The following DNER variants were observed in gnomAD, a reference collection of about 807,000 sequenced individuals.
The protein encoded by DNER is delta and Notch-like epidermal growth factor-related receptor.
Under a neutral mutation model 78.2 loss-of-function variants are expected in DNER, and 33 were observed. The observed-to-expected ratio is 0.42, with a 90% CI of 0.32 to 0.56. DNER has a LOEUF of 0.56. Ranked by LOEUF, DNER falls within the 20% of genes least tolerant of loss-of-function variation. The probability of loss-of-function intolerance (pLI) is 0.11; values close to 1 mark genes in which losing one functional copy is unlikely to be tolerated. For missense variants in DNER, 918 were observed against 975.3 expected (o/e 0.94, Z 0.78); for synonymous variants, 417 against 384.8 (o/e 1.08, Z -0.98).
chr2:229,592,747 G>C (rs1697631795), intron 1 of DNER, among the ~76,000 whole-genome samples: 1 of 152,212 alleles, frequency 6.6e-6, no homozygotes, highest in Non-Finnish European at 1.5e-5. Context: ...GTTCAGTCAT[G>C]TTCTCAGCAC....
chr2:229,373,724 G>A (rs537614344), intron 11 of DNER, among the ~76,000 whole-genome samples: 165 of 152,288 alleles, frequency 1.1e-3, no homozygotes, highest in Non-Finnish European at 2.0e-3. Context: ...TAAAGAAAAT[G>A]TGGTACATAT....
At chr2:229,387,783 T>C (rs1342071972) in intron 11 of DNER, among the ~76,000 whole-genome samples, 1 of 152,172 alleles carries the variant, frequency 6.6e-6, no homozygotes, top group African/African-American at 2.4e-5. Context: ...TTGTCTTCAC[T>C]GAACTTTTCT....
At chr2:229,460,628 T>G (rs1248498649) in intron 7 of DNER, among the ~76,000 whole-genome samples, 1 of 152,052 alleles carries the variant, frequency 6.6e-6, no homozygotes, top group African/African-American at 2.4e-5. Context: ...ACAAAAATTA[T>G]AGCCATCAAA....
Position 229,695,006 on chromosome 2 carries a change from CT to C in DNER, c.276+19141del, listed in dbSNP as rs574253667. On this transcript the variant is annotated intron_variant, in intron 1 of 12. Coordinates refer to ENST00000341772, the MANE Select transcript of DNER (RefSeq NM_139072.4). ...CCCATATGTTACGGGAGGGCCCCCC[CT>C]GCTGCTCTTTTCATGACAGTGAATG... Among the ~76,000 whole-genome samples, 210 of 152,286 alleles carry C rather than the reference CT, an allele frequency of 1.4e-3. 1 individual carries two copies. The highest frequency in any genetic ancestry group is 4.6e-3 in the African/African-American group (191 of 41,568).
intron 6 of DNER, among the ~76,000 whole-genome samples, chr2:229,489,692 C>G (rs1475976447): frequency 6.6e-6 from 1 of 151,050 alleles, no homozygotes; most frequent in Non-Finnish European, 1.5e-5. Flanking sequence ...CTACCCAAGG[C>G]AGAGGAGAGC....
In DNER at chr2:229,560,276, T is replaced by C. The variant is rs117002646; in HGVS notation, c.848-13184A>G. 2.5e-3 allele frequency among the ~76,000 whole-genome samples: 382 copies of C among 152,320 alleles called. 9 individuals carry two copies. In the East Asian group the frequency reaches 0.072, roughly 29 times the overall value. On this transcript the variant is annotated intron_variant, in intron 4 of 12. Coordinates refer to ENST00000341772, the MANE Select transcript of DNER (RefSeq NM_139072.4). ...TTTCCTGTTAAAGGGAAAGCATAAG[T>C]GGAAAATAGAAATTCTGACCATAAA...
chr2:229,433,635 C>T (rs183777259), intron 8 of DNER, among the ~76,000 whole-genome samples: 1 of 152,300 alleles, frequency 6.6e-6, no homozygotes, highest in Admixed American at 6.5e-5. Flanking sequence ...TCCCACATCT[C>T]TGATCTAGCT....
intron 1 of DNER, among the ~76,000 whole-genome samples, chr2:229,601,804 A>T (rs1019936403): frequency 6.6e-6 from 1 of 152,112 alleles, no homozygotes; most frequent in Non-Finnish European, 1.5e-5. Context: ...CTTTAGTCTG[A>T]TTAACACATA....
intron 6 of DNER, among the ~76,000 whole-genome samples, chr2:229,507,063 C>G (rs1695759751): frequency 6.6e-6 from 1 of 152,180 alleles, no homozygotes; most frequent in Admixed American, 6.5e-5. Flanking sequence ...GTACTGAATA[C>G]TGTAGGCAAC....
intron 5 of DNER, among the ~76,000 whole-genome samples, chr2:229,519,679 C>T (rs978372172): frequency 6.6e-6 from 1 of 152,202 alleles, no homozygotes; most frequent in Admixed American, 6.5e-5. Context: ...CCCCTCATTA[C>T]TGTGATGGCC....
chr2:229,570,123 G>T (rs140245376), intron 4 of DNER, among the ~76,000 whole-genome samples: 1 of 152,248 alleles, frequency 6.6e-6, no homozygotes, highest in Non-Finnish European at 1.5e-5. Flanking sequence ...TTGGAGTTGG[G>T]TTTCCACACT....
At chr2:229,596,931 G>A (rs2052300) in intron 1 of DNER, among the ~76,000 whole-genome samples, 55,407 of 151,816 alleles carry the variant, frequency 0.36, 10,266 homozygotes, top group East Asian at 0.5. Context: ...ACATGCACAC[G>A]CACATGCACA....
rs767590055 is a variant in DNER at position 229,388,382 on chromosome 2, T to A, written c.1738A>T (p.Ile580Phe). 6.2e-7 allele frequency: 1 copy of A among 1,610,258 alleles called. No individual in the cohort carries two copies. Among genetic ancestry groups the A allele is most frequent in the Non-Finnish European group, 8.5e-7 (1 of 1,178,194 alleles). ...APGFTGEECD[I>F]DINECDSNPC... ...TTACTGTCACATTCATTTATGTCAATGTCGCACTCTTCACCTAGGGAGATA... is the reference window on the plus strand; with the variant it reads ...TTACTGTCACATTCATTTATGTCAAAGTCGCACTCTTCACCTAGGGAGATA... Residue 580 changes from isoleucine (I) to phenylalanine (F), a missense_variant, in exon 11 of 13, where the codon ATT becomes TTT. Coordinates refer to ENST00000341772, the MANE Select transcript of DNER (RefSeq NM_139072.4).
At chr2:229,380,215 A>AC (rs35245698) in intron 11 of DNER, among the ~76,000 whole-genome samples, 104,343 of 151,938 alleles carry the variant, frequency 0.69, 36,135 homozygotes, top group East Asian at 0.91. Context: ...TCTACATTAG[A>AC]AAACACTGAG....
At chr2:229,534,254 T>C (rs112068827) in intron 5 of DNER, among the ~76,000 whole-genome samples, 6,379 of 151,316 alleles carry the variant, frequency 0.042, 174 homozygotes, top group Non-Finnish European at 0.068. Context: ...TAGAGACCAA[T>C]AGATTGTAAT....
intron 3 of DNER, chr2:229,586,619 T>A: frequency 1.0e-6 from 1 of 980,690 alleles, no homozygotes; most frequent in Non-Finnish European, 1.2e-6. Flanking sequence ...CAACCCCAGC[T>A]GCCCTCCTGC....
intron 1 of DNER, among the ~76,000 whole-genome samples, chr2:229,617,356 C>T (rs1698183982): frequency 6.6e-6 from 1 of 152,170 alleles, no homozygotes; most frequent in African/African-American, 2.4e-5. Flanking sequence ...ATTAAAACCT[C>T]ATCACCTGTG....
chr2:229,456,448 G>A (rs1694575359), intron 7 of DNER, among the ~76,000 whole-genome samples: 1 of 151,510 alleles, frequency 6.6e-6, no homozygotes, highest in Non-Finnish European at 1.5e-5. Flanking sequence ...GAATGAGAGG[G>A]CAGGTGCTCC....
chr2:229,708,144 C>T (rs1322390175), intron 1 of DNER, among the ~76,000 whole-genome samples: 1 of 152,192 alleles, frequency 6.6e-6, no homozygotes, highest in African/African-American at 2.4e-5. Flanking sequence ...AGGCTGTGAG[C>T]CTGGCTGCCC....
Sources: gnomAD v4.1 joint callset for allele counts (sites outside exome capture counted in the v4.1 genomes callset) on GRCh38, gnomAD v4.1.1 for gene constraint, MANE v1.5 for transcripts, NCBI Gene and HGNC (gene_info 2026-07-23, HGNC 2026-07-21) for gene names.